Variants in ATP2B1 observed in about 807,000 individuals in gnomAD.
ATP2B1 encodes the protein ATPase plasma membrane Ca2+ transporting 1, also known as plasma membrane calcium-transporting ATPase 1.
A neutral mutation model predicts 124.2 loss-of-function variants in ATP2B1; 14 were observed. The observed-to-expected ratio is 0.11, with a 90% CI of 0.07 to 0.18. The LOEUF is 0.18. Ranked by LOEUF, ATP2B1 falls within the 10% of genes least tolerant of loss-of-function variation. The pLI is 1.00. For missense variants in ATP2B1, 763 were observed against 1,466.1 expected, an observed-to-expected ratio of 0.52 and a Z score of 7.83; for synonymous variants, 449 against 492.4, an observed-to-expected ratio of 0.91 and a Z score of 1.17.
At chr12:89,688,993 C>A (rs772978457) in intron 1 of ATP2B1, among the ~76,000 whole-genome samples, 1 of 152,070 alleles carries the variant, frequency 6.6e-6, no homozygotes, top group Non-Finnish European at 1.5e-5. Flanking sequence ...TATTTAGATT[C>A]ATTATCAAAT....
chr12:89,617,992 A>G (rs1036684446), intron 11 of ATP2B1, among the ~76,000 whole-genome samples: 1 of 151,820 alleles, frequency 6.6e-6, no homozygotes, highest in African/African-American at 2.4e-5. Flanking sequence ...ACTCCTTTTT[A>G]TTTCTCCTGC....
chr12:89,677,266 C>G lies in ATP2B1; in HGVS notation c.-221-21159G>C, dbSNP rs531817020. On this transcript the variant is annotated intron_variant, in intron 1 of 20. Coordinates refer to ENST00000428670, the MANE Select transcript of ATP2B1 (RefSeq NM_001366521.1). ...CTTTTGAGATACTCCTAGGCAGAGC[C>G]CAGCTGTTTTGAGTGACTTATCCAC... Among the ~76,000 whole-genome samples the G allele has an allele frequency of 2.6e-5, 4 of 152,094 alleles. No individual in the cohort carries two copies. The East Asian group carries it at 7.7e-4, about 29-fold the overall frequency.
chr12:89,591,207 T>C lies in ATP2B1; in HGVS notation c.3440A>G (p.His1147Arg). The change falls in exon 21 of 21, where the codon CAT becomes CGT. Residue 1147 changes from histidine (H) to arginine (R), a missense_variant. By Grantham distance (29) the His-to-Arg change is conservative. Coordinates refer to ENST00000428670, the MANE Select transcript of ATP2B1 (RefSeq NM_001366521.1). ...SRSSIHNFMT[H>R]PEFRIEDSEP... ...TGAATCTTCTATCCTAAACTCAGGA[T>C]GTGTCATAAAGTTGTGAATCGAACT... is the stretch of plus-strand genomic sequence containing the variant. 6.2e-7 allele frequency: 1 copy of C among 1,613,272 alleles called. No homozygotes were observed. The highest frequency in any genetic ancestry group is 1.1e-5 in the South Asian group (1 of 91,066).
At chr12:89,635,556 C>A (rs1882559457) in intron 3 of ATP2B1, among the ~76,000 whole-genome samples, 1 of 152,064 alleles carries the variant, frequency 6.6e-6, no homozygotes, top group Non-Finnish European at 1.5e-5. Context: ...GACTTGGTTT[C>A]TTCATCGTCA....
intron 11 of ATP2B1, among the ~76,000 whole-genome samples, chr12:89,618,090 A>AT (rs141357525): frequency 3.6e-4 from 54 of 149,666 alleles, no homozygotes; most frequent in African/African-American, 9.8e-4. Flanking sequence ...TCTCTAGTTG[A>AT]TTTTTTTTTT....
At chr12:89,686,066 C>T (rs1592975076) in intron 1 of ATP2B1, among the ~76,000 whole-genome samples, 1 of 152,228 alleles carries the variant, frequency 6.6e-6, no homozygotes, top group East Asian at 1.9e-4. Flanking sequence ...AACAGATCCA[C>T]TTTTGCTTCG....
chr12:89,643,196 ATATATGTGTG>A (rs1565861949), intron 2 of ATP2B1, among the ~76,000 whole-genome samples: 4 of 150,696 alleles, frequency 2.7e-5, no homozygotes, highest in East Asian at 1.9e-4. Flanking sequence ...GTATATATGT[ATATATGTGTG>A]TATATGTGTA....
chr12:89,688,197 C>T (rs1387687869), intron 1 of ATP2B1, among the ~76,000 whole-genome samples: 1 of 152,110 alleles, frequency 6.6e-6, no homozygotes, highest in Non-Finnish European at 1.5e-5. Context: ...TTTTTGTTCA[C>T]TGTGCCAGGT....
At chr12:89,617,729 CTGTTT>C (rs898985641) in intron 11 of ATP2B1, among the ~76,000 whole-genome samples, 2 of 152,102 alleles carry the variant, frequency 1.3e-5, no homozygotes, top group African/African-American at 4.8e-5. Context: ...TCCACATCTT[CTGTTT>C]TGTTTTTCAA....
rs79304767 is a variant in ATP2B1 at position 89,687,162 on chromosome 12, A to G, written c.-222+21434T>C. Reference sequence around the variant, plus strand: ...TGATTAAAGTACAGCCATGCACTGCATAACGTTTCGGTCAACAAGGACAAA... The same window carrying G: ...TGATTAAAGTACAGCCATGCACTGCGTAACGTTTCGGTCAACAAGGACAAA... On this transcript the variant is annotated intron_variant, in intron 1 of 20. Transcript: ENST00000428670. 2.9e-3 allele frequency among the ~76,000 whole-genome samples: 446 copies of G among 152,286 alleles called. 10 individuals carry two copies. In the East Asian group the frequency reaches 0.05, roughly 17 times the overall value.
intron 1 of ATP2B1, among the ~76,000 whole-genome samples, chr12:89,687,306 A>G (rs775264176): frequency 6.6e-6 from 1 of 152,144 alleles, no homozygotes; most frequent in Non-Finnish European, 1.5e-5. Context: ...TTAGTACAGT[A>G]ACATGCTATA....
At position 89,701,819 on chromosome 12, in the gene ATP2B1, C is replaced by T. The variant is rs1384507215; in HGVS notation, c.-222+6777G>A. 7.2e-5 allele frequency among the ~76,000 whole-genome samples: 11 copies of T among 152,146 alleles called. No homozygotes were observed. In the East Asian group the frequency reaches 2.1e-3, roughly 29 times the overall value. On this transcript the variant is annotated intron_variant, in intron 1 of 20. Transcript: ENST00000428670. ...GCCTCAGCCTCCCAAAGTGCTAGGA[C>T]TTATAGGCATCAAGCACAGCATCTG... is the stretch of plus-strand genomic sequence containing the variant.
intron 7 of ATP2B1, 146 bp from the exon 8 acceptor site, chr12:89,626,761 A>G: frequency 1.1e-6 from 1 of 890,698 alleles, no homozygotes; most frequent in East Asian, 2.9e-5. Flanking sequence ...GTGTGTCTAC[A>G]CAGAGAAAAT....
At chr12:89,653,283 CTTTTTTTTTTT>C (rs149270069) in intron 2 of ATP2B1, among the ~76,000 whole-genome samples, 2 of 76,116 alleles carry the variant, frequency 2.6e-5, no homozygotes, top group Non-Finnish European at 4.9e-5. Flanking sequence ...GAATTTTTTT[CTTTTTTTTTTT>C]TTTTTTTTTT....
chr12:89,704,946 C>T (rs1174975793), intron 1 of ATP2B1, among the ~76,000 whole-genome samples: 5 of 152,034 alleles, frequency 3.3e-5, no homozygotes, highest in African/African-American at 1.2e-4. Context: ...TACAAAAATT[C>T]GATTCGATTA....
chr12:89,691,683 G>A (rs1345334505), intron 1 of ATP2B1, among the ~76,000 whole-genome samples: 1 of 152,098 alleles, frequency 6.6e-6, no homozygotes, highest in African/African-American at 2.4e-5. Flanking sequence ...TCTATCTAGG[G>A]AGACAGATTT....
At chr12:89,699,046 T>C (rs1200801596) in intron 1 of ATP2B1, among the ~76,000 whole-genome samples, 1 of 152,196 alleles carries the variant, frequency 6.6e-6, no homozygotes, top group Non-Finnish European at 1.5e-5. Flanking sequence ...ATTCCTAAAA[T>C]TTCAACCAGT....
At chr12:89,620,286 A>T (rs775615495) in intron 10 of ATP2B1, 46 bp from the exon 11 acceptor site, 1 of 1,594,550 alleles carries the variant, frequency 6.3e-7, no homozygotes, top group Non-Finnish European at 8.6e-7. Flanking sequence ...TTTCTCTAAG[A>T]ACGTTTAATT....
chr12:89,643,160 GTATGTATGTATATATGTA>G (rs1023329117), intron 2 of ATP2B1, among the ~76,000 whole-genome samples: 7 of 148,602 alleles, frequency 4.7e-5, no homozygotes, highest in Admixed American at 2.0e-4. Context: ...ATGTATATAT[GTATGTATGTATATATGTA>G]TATGTATGTA....
Sources: allele counts gnomAD v4.1 joint callset (sites outside exome capture counted in the v4.1 genomes callset), GRCh38; gene constraint gnomAD v4.1.1; transcripts MANE v1.5; gene names NCBI Gene and HGNC (gene_info 2026-07-23, HGNC 2026-07-21).